The following STXBP6 variants were observed in gnomAD, a reference collection of about 807,000 sequenced individuals.
STXBP6 encodes syntaxin binding protein 6.
Under a neutral mutation model 26.9 loss-of-function variants are expected in STXBP6, and 21 were observed. That is an observed-to-expected ratio of 0.78 (90% confidence interval 0.55 to 1.12). The LOEUF is 1.12. Among genes scored for constraint, STXBP6 ranks in the 50% most tolerant of loss-of-function variants. STXBP6 has a pLI of 0.00. For synonymous variants in STXBP6, 97 were observed against 92.6 expected (o/e 1.05, Z -0.27); for missense variants, 232 against 257.9 (o/e 0.90, Z 0.69).
intron 2 of STXBP6, among the ~76,000 whole-genome samples, chr14:24,936,709 A>C (rs1245531138): frequency 6.6e-6 from 1 of 152,234 alleles, no homozygotes; most frequent in African/African-American, 2.4e-5. Flanking sequence ...CTATTTCTCT[A>C]CATCCTCTCC....
At chr14:25,042,634 T>C (rs1319859875) in intron 1 of STXBP6, among the ~76,000 whole-genome samples, 1 of 152,198 alleles carries the variant, frequency 6.6e-6, no homozygotes, top group Admixed American at 6.5e-5. Flanking sequence ...CCCTGTCCCA[T>C]TCCGAAGCCA....
rs149185736 is a variant in STXBP6, at chr14:24,904,292, C to T, written c.155-47135G>A. Among the ~76,000 whole-genome samples, 974 of 152,272 alleles carry T rather than the reference C, an allele frequency of 6.4e-3. 7 individuals are homozygous for T. The highest frequency in any genetic ancestry group is 0.022 in the African/African-American group (906 of 41,552). On this transcript the variant is annotated intron_variant, in intron 2 of 5. Coordinates refer to ENST00000323944, the MANE Select transcript of STXBP6 (RefSeq NM_001394410.1). ...ACATCCAGCCACAACTTCATATCTA[C>T]GCGGTTAAGTCAATTACCCCATCTA...
In STXBP6 at chr14:25,038,068, A is replaced by AACACACAC. The variant is rs145804703; in HGVS notation, c.-33+11802_-33+11809dup. On this transcript the variant is annotated intron_variant, in intron 1 of 5. Coordinates refer to ENST00000323944, the MANE Select transcript of STXBP6 (RefSeq NM_001394410.1). ...CTTTCATTGTGTTTTTAAAAATACG[A>AACACACAC]ACACACACACACACACTCACACACA... Among the ~76,000 whole-genome samples the AACACACAC allele has an allele frequency of 4.1e-4, 62 of 151,546 alleles. 1 individual carries two copies. Among genetic ancestry groups the AACACACAC allele is most frequent in the Middle Eastern group, 3.4e-3 (1 of 294 alleles).
At chr14:24,828,830 T>C (rs2068367366) in intron 4 of STXBP6, among the ~76,000 whole-genome samples, 1 of 152,208 alleles carries the variant, frequency 6.6e-6, no homozygotes, top group Non-Finnish European at 1.5e-5. Context: ...ATAATGCTAA[T>C]ATACAAGAGC....
intron 2 of STXBP6, among the ~76,000 whole-genome samples, chr14:24,962,027 T>C (rs902509421): frequency 2.0e-5 from 3 of 152,182 alleles, no homozygotes; most frequent in East Asian, 1.9e-4. Flanking sequence ...CCAGACCAAA[T>C]GCATGAGGTA....
At chr14:24,997,671 A>G (rs1431230641) in intron 1 of STXBP6, among the ~76,000 whole-genome samples, 1 of 152,242 alleles carries the variant, frequency 6.6e-6, no homozygotes, top group African/African-American at 2.4e-5. Flanking sequence ...TATATAAGCA[A>G]TACAAAAATG....
At chr14:24,930,472 G>C (rs1023468926) in intron 2 of STXBP6, among the ~76,000 whole-genome samples, 3 of 152,100 alleles carry the variant, frequency 2.0e-5, no homozygotes, top group African/African-American at 7.2e-5. Context: ...GACCTGTTAG[G>C]GGAAGAAATG....
At position 25,049,832 on chromosome 14, in the gene STXBP6, C is replaced by G. The variant is rs904557887; in HGVS notation, c.-33+46G>C. The G allele has an allele frequency of 1.1e-5, 11 of 985,770 alleles. No individual in the cohort carries two copies. The highest frequency in any genetic ancestry group is 1.2e-4 in the Admixed American group (2 of 16,276). The allele number at this position is 985,770 out of a possible 1,614,324, so 61.1% of individuals were successfully genotyped here. ...GGCGGCTGCAACCGCATCTCCCGGG[C>G]TTGGCCTCCGCCCTGACCGCCTGGC... On this transcript the variant is annotated intron_variant, in intron 1 of 5. Coordinates refer to ENST00000323944, the MANE Select transcript of STXBP6 (RefSeq NM_001394410.1). The surrounding 1 kb of genome is among the most constrained non-coding windows in gnomAD (Gnocchi z 5.6).
chr14:24,840,687 G>A (rs1474654404), intron 4 of STXBP6, among the ~76,000 whole-genome samples: 1 of 152,180 alleles, frequency 6.6e-6, no homozygotes, highest in Non-Finnish European at 1.5e-5. Context: ...CCCACATACA[G>A]GAGTTTGTAA....
chr14:24,983,469 C>T lies in STXBP6; in HGVS notation c.-32-8619G>A, dbSNP rs114414112. ...AAACATTTTAATTATCTGCTAGGTT[C>T]TGCACTACTTGCTGAATTAGTTTGT... On this transcript the variant is annotated intron_variant, in intron 1 of 5. Transcript: ENST00000323944. Among the ~76,000 whole-genome samples, 1,057 of 152,332 alleles carry T rather than the reference C, an allele frequency of 6.9e-3. 11 individuals are homozygous for T. Among genetic ancestry groups the T allele is most frequent in the African/African-American group, 0.024 (992 of 41,582 alleles).
At chr14:25,048,595 G>T (rs748623285) in intron 1 of STXBP6, among the ~76,000 whole-genome samples, 4 of 152,086 alleles carry the variant, frequency 2.6e-5, no homozygotes, top group African/African-American at 4.8e-5. Context: ...CTTTAAGAAC[G>T]TAACACACAA....
At chr14:24,920,685 C>A (rs2071947574) in intron 2 of STXBP6, among the ~76,000 whole-genome samples, 1 of 152,036 alleles carries the variant, frequency 6.6e-6, no homozygotes, top group African/African-American at 2.4e-5. Flanking sequence ...GATCCTGTCT[C>A]CCTCAGCTGC....
rs568528695 is a variant in STXBP6 at position 24,872,952 on chromosome 14, A to C, written c.155-15795T>G. Among the ~76,000 whole-genome samples, 8 of 152,326 alleles carry C rather than the reference A, an allele frequency of 5.3e-5. No individual in the cohort carries two copies. In the South Asian group the frequency reaches 1.0e-3, roughly 20 times the overall value. On this transcript the variant is annotated intron_variant, in intron 2 of 5. Transcript: ENST00000323944. ...TTTGTTGTGCCGAATCTGATTCAGA[A>C]ACATAATGGAAACATGCTATTTGCA...
At chr14:24,913,817 G>A (rs1233334709) in intron 2 of STXBP6, among the ~76,000 whole-genome samples, 1 of 152,146 alleles carries the variant, frequency 6.6e-6, no homozygotes, top group Non-Finnish European at 1.5e-5. Flanking sequence ...CAAGGAAGTG[G>A]AAATGGAATA....
intron 2 of STXBP6, among the ~76,000 whole-genome samples, chr14:24,904,111 A>G (rs1424408747): frequency 6.6e-6 from 1 of 152,176 alleles, no homozygotes; most frequent in Non-Finnish European, 1.5e-5. Flanking sequence ...TGGCATCAGG[A>G]ACATCGCTCT....
chr14:24,898,048 G>T (rs867881918), intron 2 of STXBP6, among the ~76,000 whole-genome samples: 92 of 152,180 alleles, frequency 6.0e-4, no homozygotes, highest in African/African-American at 2.1e-3. Flanking sequence ...TGTACACGAG[G>T]TTTAGCAATC....
At position 24,812,491 on chromosome 14, in the gene STXBP6, C is replaced by A; in HGVS notation, c.*218G>T. 1 of 571,834 alleles carries A rather than the reference C, an allele frequency of 1.7e-6. No homozygotes were observed. The highest frequency in any genetic ancestry group is 3.1e-6 in the Non-Finnish European group (1 of 321,466). The allele number at this position is 571,834 out of a possible 1,614,324, so 35.4% of individuals were successfully genotyped here. On this transcript the variant is annotated 3_prime_UTR_variant, in exon 6 of 6. Transcript: ENST00000323944. ...GAGGAGGCAAAAACCCAAAATGAAG[C>A]TGATGCTATTGTAGCATTTATTAGC...
intron 4 of STXBP6, among the ~76,000 whole-genome samples, chr14:24,837,502 T>G (rs930794859): frequency 6.6e-6 from 1 of 152,088 alleles, no homozygotes. Flanking sequence ...GGAAAAAAAA[T>G]AGCCAGCAAA....
intron 1 of STXBP6, among the ~76,000 whole-genome samples, chr14:24,982,095 A>G (rs1390465415): frequency 1.3e-5 from 2 of 152,234 alleles, no homozygotes; most frequent in Admixed American, 1.3e-4. Context: ...TCTGCAGGAC[A>G]GTCTTCGTAC....
Sources: allele counts gnomAD v4.1 joint callset (sites outside exome capture counted in the v4.1 genomes callset), GRCh38; gene constraint gnomAD v4.1.1; non-coding constraint Gnocchi (gnomAD v3.1); transcripts MANE v1.5; gene names NCBI Gene and HGNC (gene_info 2026-07-23, HGNC 2026-07-21).